TEX26: variants seen among roughly 807,000 people sequenced by gnomAD.
TEX26 encodes the protein testis-expressed protein 26.
A neutral mutation model predicts 35.3 loss-of-function variants in TEX26; 34 were observed. The observed-to-expected ratio is 0.96, with a 90% CI of 0.73 to 1.28. The LOEUF is 1.28. Ranked by LOEUF, TEX26 falls within the 50% of genes most tolerant of loss-of-function variation. The probability of loss-of-function intolerance (pLI) is 0.00; values close to 1 mark genes in which losing one functional copy is unlikely to be tolerated. For missense variants in TEX26, 371 were observed against 330.1 expected, an observed-to-expected ratio of 1.12 and a Z score of -0.96; for synonymous variants, 136 against 111.8, an observed-to-expected ratio of 1.22 and a Z score of -1.36.
intron 1 of TEX26, among the ~76,000 whole-genome samples, chr13:30,935,692 T>C (rs905092633): frequency 4.6e-5 from 7 of 152,232 alleles, no homozygotes; most frequent in Non-Finnish European, 1.0e-4. Flanking sequence ...GGAGCTACGC[T>C]GCCTAGGGCC....
Position 30,935,492 on chromosome 13 carries a change from A to T in TEX26, c.61+2716A>T, listed in dbSNP as rs565465079. On this transcript the variant is annotated intron_variant, in intron 1 of 6. Coordinates refer to ENST00000380473, the MANE Select transcript of TEX26 (RefSeq NM_152325.3). ...GAAGAGGACAGCAGCCAGAGAATGA[A>T]GAGGGCAGGGAGAGACAAGGGAACC... Among the ~76,000 whole-genome samples the T allele has an allele frequency of 1.4e-3, 207 of 152,340 alleles. 1 individual carries two copies. The highest frequency in any genetic ancestry group is 5.2e-3 in the Admixed American group (80 of 15,304).
intron 4 of TEX26, among the ~76,000 whole-genome samples, chr13:30,961,504 C>G (rs1954340922): frequency 6.6e-6 from 1 of 151,354 alleles, no homozygotes; most frequent in Non-Finnish European, 1.5e-5. Flanking sequence ...CTACTTTGCT[C>G]AATCAGTTGC....
At chr13:30,949,248 G>A (rs1953833286) in intron 2 of TEX26, among the ~76,000 whole-genome samples, 6 of 152,122 alleles carry the variant, frequency 3.9e-5, no homozygotes, top group Admixed American at 3.9e-4. Context: ...CCAAAAAAGA[G>A]CCCACATTGC....
At chr13:30,962,510 C>A (rs545865601) in intron 4 of TEX26, among the ~76,000 whole-genome samples, 2 of 152,224 alleles carry the variant, frequency 1.3e-5, no homozygotes, top group East Asian at 1.9e-4. Flanking sequence ...CTTCTGGAAG[C>A]CTTCTTTGAT....
intron 2 of TEX26, among the ~76,000 whole-genome samples, chr13:30,947,793 G>T (rs974254541): frequency 6.6e-6 from 1 of 151,764 alleles, no homozygotes; most frequent in African/African-American, 2.4e-5. Flanking sequence ...CAATGTACAG[G>T]TTTGCTACAT....
Position 30,968,905 on chromosome 13 carries a change from T to C in TEX26, c.667T>C (p.Tyr223His). 1 of 1,614,002 alleles carries C rather than the reference T, an allele frequency of 6.2e-7. No individual in the cohort carries two copies. The highest frequency in any genetic ancestry group is 8.5e-7 in the Non-Finnish European group (1 of 1,179,936). ...TATAGTGCCTTCTGTGCTGCACAGC[T>C]ACCTGAGGAACCAAGAGCACACAAA... ...QGLVPSVLHS[Y>H]LRNQEHTKKQ... Residue 223 changes from tyrosine to histidine, a missense_variant, in exon 6 of 7, where the codon TAC (tyrosine) becomes CAC (histidine). Tyr to His is a moderately conservative substitution (Grantham distance 83). Coordinates refer to ENST00000380473, the MANE Select transcript of TEX26 (RefSeq NM_152325.3).
At chr13:30,946,370 G>A (rs1414022799) in intron 2 of TEX26, among the ~76,000 whole-genome samples, 11 of 151,468 alleles carry the variant, frequency 7.3e-5, no homozygotes, top group Admixed American at 3.9e-4. Flanking sequence ...ATTTCTTTAT[G>A]TTGGTTTTCA....
Position 30,952,648 on chromosome 13 carries a change from G to GT in TEX26, c.147-5dup, listed in dbSNP as rs34650841. 79,175 of 1,559,968 alleles carry GT rather than the reference G, an allele frequency of 0.051. 2,332 individuals carry two copies. The highest frequency in any genetic ancestry group is 0.057 in the Non-Finnish European group (66,104 of 1,159,048). The stretch of plus-strand genomic sequence containing the variant: ...AACCTCTAACTCTAATTTCTGCTGG[G>GT]TTTTTTTATAGCCAAAACGGTATCA... On this transcript the variant is annotated splice_polypyrimidine_tract_variant and intron_variant, in intron 2 of 6. Transcript: ENST00000380473.
At chr13:30,952,867 T>A in intron 3 of TEX26, 42 bp downstream of exon 3, 1 of 1,517,208 alleles carries the variant, frequency 6.6e-7, no homozygotes, top group Non-Finnish European at 9.0e-7. Context: ...AATACTGTAC[T>A]GTATCAACAA....
At chr13:30,952,354 T>C (rs535084610) in intron 2 of TEX26, among the ~76,000 whole-genome samples, 2 of 152,268 alleles carry the variant, frequency 1.3e-5, no homozygotes, top group Admixed American at 1.3e-4. Context: ...CACCAGCTAT[T>C]TGGTTACACT....
At chr13:30,970,027 C>A (rs1252877850) in intron 6 of TEX26, among the ~76,000 whole-genome samples, 1 of 152,004 alleles carries the variant, frequency 6.6e-6, no homozygotes, top group African/African-American at 2.4e-5. Context: ...CTCTCTTGGG[C>A]CTCCAGGTGC....
intron 2 of TEX26, among the ~76,000 whole-genome samples, chr13:30,951,160 G>A (rs1593564596): frequency 6.6e-6 from 1 of 151,922 alleles, no homozygotes; most frequent in South Asian, 2.1e-4. Context: ...ACCAGCCTGG[G>A]CAACATAGTG....
In TEX26 at chr13:30,952,550, G is replaced by A; in HGVS notation, c.147-110G>A. On this transcript the variant is annotated intron_variant, in intron 2 of 6. Coordinates refer to ENST00000380473, the MANE Select transcript of TEX26 (RefSeq NM_152325.3). ...AATTATTTCTGGCACCAACTCTTAT[G>A]CCAATCAATCTTTTTAAAAAATGTA... 3.3e-6 allele frequency: 3 copies of A among 903,574 alleles called. 1 individual carries two copies. The highest frequency in any genetic ancestry group is 4.8e-6 in the Non-Finnish European group (3 of 622,382). The allele number at this position is 903,574 out of a possible 1,614,324, so 56.0% of individuals were successfully genotyped here. A position where few individuals can be genotyped will look rare whatever the true frequency, so the allele number is the denominator to read the frequency against.
chr13:30,945,517 T>C (rs1181444388), intron 2 of TEX26, among the ~76,000 whole-genome samples: 2 of 151,944 alleles, frequency 1.3e-5, no homozygotes, highest in African/African-American at 4.8e-5. Context: ...TACTTTGTTT[T>C]TTTTCATTGT....
intron 3 of TEX26, among the ~76,000 whole-genome samples, chr13:30,955,325 C>A (rs1240467687): frequency 6.6e-6 from 1 of 152,206 alleles, no homozygotes; most frequent in Non-Finnish European, 1.5e-5. Flanking sequence ...ATACACCTGC[C>A]AATTTGCAGG....
In TEX26 at chr13:30,932,781, G is replaced by A; in HGVS notation, c.61+5G>A. 1 of 1,613,902 alleles carries A rather than the reference G, an allele frequency of 6.2e-7. No individual in the cohort carries two copies. Among genetic ancestry groups the A allele is most frequent in the Non-Finnish European group, 8.5e-7 (1 of 1,179,970 alleles). On this transcript the variant is annotated splice_donor_5th_base_variant and intron_variant, in intron 1 of 6. Coordinates refer to ENST00000380473, the MANE Select transcript of TEX26 (RefSeq NM_152325.3). ...GCCACCACAACCTCCAGCCAAGTAA[G>A]ACAGCAGACTCTGCCGGTCTGCGGG... is the stretch of plus-strand genomic sequence containing the variant.
chr13:30,952,001 A>ATTTTTTTTTTTTTTTTTTTTTTT (rs751918742), intron 2 of TEX26, among the ~76,000 whole-genome samples: 2 of 50,690 alleles, frequency 3.9e-5, no homozygotes, highest in African/African-American at 1.0e-4. Flanking sequence ...TTATTCTGGG[A>ATTTTTTTTTTTTTTTTTTTTTTT]TTTTTTTTTT....
Position 30,975,021 on chromosome 13 carries a change from G to A in TEX26, c.*114G>A. 1 of 652,904 alleles carries A rather than the reference G, an allele frequency of 1.5e-6. No homozygotes were observed. Among genetic ancestry groups the A allele is most frequent in the Non-Finnish European group, 2.5e-6 (1 of 405,058 alleles). 40.4% of individuals were successfully genotyped at this position (652,904 alleles called of 1,614,324 possible). A position where few individuals can be genotyped will look rare whatever the true frequency, so the allele number is the denominator to read the frequency against. ...ATAAGATGCAAATAGCTTCAAGTAT[G>A]ATGTGATAGTCATGAATTTGTGTCT... On this transcript the variant is annotated 3_prime_UTR_variant, in exon 7 of 7. Coordinates refer to ENST00000380473, the MANE Select transcript of TEX26 (RefSeq NM_152325.3).
chr13:30,934,922 A>G (rs561425634), intron 1 of TEX26, among the ~76,000 whole-genome samples: 1 of 152,310 alleles, frequency 6.6e-6, no homozygotes, highest in Admixed American at 6.5e-5. Flanking sequence ...CTTTCACTCC[A>G]TGAAGCAGGC....
Sources: allele counts gnomAD v4.1 joint callset (sites outside exome capture counted in the v4.1 genomes callset), GRCh38; gene constraint gnomAD v4.1.1; transcripts MANE v1.5; gene names NCBI Gene and HGNC (gene_info 2026-07-23, HGNC 2026-07-21).